Variants in OR56A3 observed in about 807,000 individuals in gnomAD.
The protein encoded by OR56A3 is olfactory receptor family 56 subfamily A member 3.
Under a neutral mutation model 17.5 loss-of-function variants are expected in OR56A3, and 23 were observed. The ratio of observed to expected loss-of-function variants is 1.32; its 90% confidence interval spans 0.95 to 1.87. The LOEUF is 1.87. Ranked by LOEUF, OR56A3 falls within the 40% of genes most tolerant of loss-of-function variation. The pLI is 0.00. For synonymous variants in OR56A3, 175 were observed against 150.6 expected (o/e 1.16, Z -1.19); for missense variants, 366 against 380.1 (o/e 0.96, Z 0.31).
chr11:5,944,195 A>G (rs1398729199), intron 1 of OR56A3, among the ~76,000 whole-genome samples: 1 of 152,232 alleles, frequency 6.6e-6, no homozygotes, highest in Admixed American at 6.5e-5. Flanking sequence ...TGGCAAAAAT[A>G]TTAGAAAAGA....
the OR56A3 span, chr11:6,006,877 C>G: frequency 6.6e-6 from 1 of 152,556 alleles, no homozygotes; most frequent in East Asian, 1.9e-4. Context: ...TCATCAGCAT[C>G]CTCTTCCTCA....
chr11:5,978,801 A>G, the OR56A3 span, among the ~76,000 whole-genome samples: 1,296 of 152,218 alleles, frequency 8.5e-3, 14 homozygotes, highest in African/African-American at 0.03. Context: ...TCCATTTGTC[A>G]AGGGGAGTGC....
At chr11:6,005,585 G>A in the OR56A3 span, among the ~76,000 whole-genome samples, 8 of 152,180 alleles carry the variant, frequency 5.3e-5, no homozygotes, top group Non-Finnish European at 8.8e-5. Flanking sequence ...CACTTTAACC[G>A]CTAAAACAAA....
At chr11:5,954,969 G>A (rs959857488), downstream of OR56A3, among the ~76,000 whole-genome samples, 8 of 152,090 alleles carry the variant, frequency 5.3e-5, no homozygotes, top group African/African-American at 1.9e-4. Flanking sequence ...GATACAAAGG[G>A]GTACCATTTA....
the OR56A3 span, among the ~76,000 whole-genome samples, chr11:6,008,497 C>T: frequency 2.6e-5 from 4 of 152,036 alleles, no homozygotes; most frequent in Non-Finnish European, 5.9e-5. Flanking sequence ...AATAATTCCT[C>T]TCCACTCTCA....
chr11:6,009,115 G>A, the OR56A3 span, among the ~76,000 whole-genome samples: 1 of 152,172 alleles, frequency 6.6e-6, no homozygotes, highest in Non-Finnish European at 1.5e-5. Context: ...CTTTGCAGAT[G>A]TAATAAACTT....
chr11:5,986,859 C>G, the OR56A3 span: 1 of 1,613,890 alleles, frequency 6.2e-7, no homozygotes, highest in Non-Finnish European at 8.5e-7. Flanking sequence ...GCTGGGATAG[C>G]CTCCAGCTTG....
the OR56A3 span, chr11:5,968,614 A>G: frequency 2.6e-6 from 2 of 775,362 alleles, no homozygotes; most frequent in African/African-American, 1.7e-5. Flanking sequence ...TATAAAATGT[A>G]TGAGATACAG....
chr11:6,017,604 A>T, the OR56A3 span, among the ~76,000 whole-genome samples: 1 of 152,308 alleles, frequency 6.6e-6, no homozygotes, highest in South Asian at 2.1e-4. Flanking sequence ...AACACTGGAG[A>T]TTACAATTCG....
chr11:6,003,064 A>C, the OR56A3 span: 1 of 1,613,580 alleles, frequency 6.2e-7, no homozygotes, highest in East Asian at 2.2e-5. Flanking sequence ...AAACATAAAA[A>C]GTACATTCTA....
downstream of OR56A3, among the ~76,000 whole-genome samples, chr11:5,952,104 A>AAT (rs1238157122): frequency 6.6e-6 from 1 of 152,216 alleles, no homozygotes; most frequent in East Asian, 1.9e-4. Flanking sequence ...TAATGCATAA[A>AAT]ATAACACATA....
At chr11:6,010,260 G>T in the OR56A3 span, among the ~76,000 whole-genome samples, 2 of 152,102 alleles carry the variant, frequency 1.3e-5, no homozygotes, top group East Asian at 3.9e-4. Flanking sequence ...ATTTTGAAAT[G>T]CTACCTTATG....
intron 1 of OR56A3, among the ~76,000 whole-genome samples, chr11:5,943,732 T>G (rs1450275218): frequency 6.6e-6 from 1 of 152,112 alleles, no homozygotes; most frequent in Non-Finnish European, 1.5e-5. Context: ...TAGTTACAAG[T>G]GCCACAAAAA....
At chr11:5,943,697 A>C (rs1205233155) in intron 1 of OR56A3, among the ~76,000 whole-genome samples, 1 of 152,196 alleles carries the variant, frequency 6.6e-6, no homozygotes, top group Non-Finnish European at 1.5e-5. Flanking sequence ...AGTTCAAGCT[A>C]AGAGCTGAAT....
rs770492176 is a variant in OR56A3 at position 5,947,848 on chromosome 11, G to A, written c.502G>A (p.Ala168Thr). ...GACTCTGCCCATCCCCATCCTTTCA[G>A]CACAACTCCGTTATTGTGGAAGAAA... ...LMTLPIPILS[A>T]QLRYCGRNVI... The change falls in exon 3 of 3, where the codon GCA (alanine) becomes ACA (threonine). Residue 168 changes from alanine (A) to threonine (T), a missense_variant. Transcript: ENST00000641160. 2 of 1,614,012 alleles carry A rather than the reference G, an allele frequency of 1.2e-6. No individual in the cohort carries two copies. Among genetic ancestry groups the A allele is most frequent in the African/African-American group, 2.7e-5 (2 of 74,896 alleles).
chr11:5,984,564 A>T, the OR56A3 span, among the ~76,000 whole-genome samples: 1 of 152,198 alleles, frequency 6.6e-6, no homozygotes, highest in South Asian at 2.1e-4. Context: ...GTAATACATC[A>T]TACCCTGATT....
At position 5,948,127 on chromosome 11, in the gene OR56A3, GT is replaced by G; in HGVS notation, c.786del (p.Phe262LeufsTer37). On this transcript the variant is annotated frameshift_variant, in exon 3 of 3. Transcript: ENST00000641160. LOFTEE classifies it high-confidence loss of function. ...LILFFSTILLVFVLTHVAKKK... is the reference protein window; with the variant it reads ...LILFFSTILLXFVLTHVAKKK... The stretch of plus-strand genomic sequence containing the variant: ...CCTCTTCTTCAGCACCATCCTTCTG[GT>G]TTTTGTCCTCACACATGTGGCTAAG... 1 of 1,614,210 alleles carries G rather than the reference GT, an allele frequency of 6.2e-7. No individual in the cohort carries two copies. The highest frequency in any genetic ancestry group is 1.1e-5 in the South Asian group (1 of 91,082).
the OR56A3 span, among the ~76,000 whole-genome samples, chr11:6,015,233 C>G: frequency 1.3e-5 from 2 of 152,138 alleles, no homozygotes; most frequent in African/African-American, 4.8e-5. Context: ...CACAGTAGCC[C>G]CTTCCATCAC....
chr11:5,948,140 C>T lies in OR56A3; in HGVS notation c.794C>T (p.Thr265Ile), dbSNP rs1847885298. The T allele has an allele frequency of 6.2e-7, 1 of 1,614,228 alleles. No individual in the cohort carries two copies. The highest frequency in any genetic ancestry group is 8.5e-7 in the Non-Finnish European group (1 of 1,180,046). The change falls in exon 3 of 3, where the codon ACA (threonine) becomes ATA (isoleucine). Residue 265 changes from threonine to isoleucine, a missense_variant. Transcript: ENST00000641160. ...ACCATCCTTCTGGTTTTTGTCCTCA[C>T]ACATGTGGCTAAGAAGAAAGTCTCC... ...FSTILLVFVL[T>I]HVAKKKVSPD... is the part of the protein sequence containing the mutation.
Sources: allele counts gnomAD v4.1 joint callset (sites outside exome capture counted in the v4.1 genomes callset), GRCh38; gene constraint gnomAD v4.1.1; transcripts MANE v1.5; gene names NCBI Gene and HGNC (gene_info 2026-07-23, HGNC 2026-07-21).